CLCN7: variants seen among roughly 807,000 people sequenced by gnomAD.
CLCN7 encodes the protein Cl-/H+ antiporter 7, also known as H(+)/Cl(-) exchange transporter 7.
CLCN7 carries 60 observed loss-of-function variants against 102.1 expected under a neutral mutation model. That is an observed-to-expected ratio of 0.59 (90% CI 0.48 to 0.73). The LOEUF is 0.73. Ranked by LOEUF, CLCN7 falls within the 30% of genes least tolerant of loss-of-function variation. The probability of loss-of-function intolerance (pLI) is 0.00; values close to 1 mark genes in which losing one functional copy is unlikely to be tolerated. For synonymous variants in CLCN7, 560 were observed against 490.5 expected (o/e 1.14, Z -1.87); for missense variants, 962 against 1,125.7 (o/e 0.85, Z 2.08).
intron 13 of CLCN7, among the ~76,000 whole-genome samples, chr16:1,454,104 G>A (rs1349578556): frequency 6.6e-6 from 1 of 152,258 alleles, no homozygotes; most frequent in African/African-American, 2.4e-5. Flanking sequence ...TCCTTCCAGG[G>A]CAAAGGTGTC....
At chr16:1,456,836 C>T (rs2038842572) in intron 9 of CLCN7, among the ~76,000 whole-genome samples, 1 of 144,334 alleles carries the variant, frequency 6.9e-6, no homozygotes, top group Non-Finnish European at 1.5e-5. Flanking sequence ...GAGACTCCAT[C>T]TCAAAAAAAA....
rs1416933132 is a variant in CLCN7 at position 1,474,915 on chromosome 16, C to T, written c.60G>A (p.Ala20=). 1.4e-6 allele frequency: 2 copies of T among 1,471,078 alleles called. No individual in the cohort carries two copies. The highest frequency in any genetic ancestry group is 3.0e-5 in the East Asian group (1 of 33,428). The allele number at this position is 1,471,078 out of a possible 1,614,324, so 91.1% of individuals were successfully genotyped here. A position where few individuals can be genotyped will look rare whatever the true frequency, so the allele number is the denominator to read the frequency against. ...GCGCCGTCCTCCGCAGCAGCGGCGC[C>T]GCCTCCTCGTCGTCCCGGTCCCGGC... ...WSGRDRDDEE[A]APLLRRTARP... Residue 20 remains alanine, a synonymous_variant, in exon 1 of 25, where the codon GCG becomes GCA. Coordinates refer to ENST00000382745, the MANE Select transcript of CLCN7 (RefSeq NM_001287.6).
At chr16:1,472,497 C>G (rs980442271) in intron 1 of CLCN7, 4 of 152,146 alleles carry the variant, frequency 2.6e-5, no homozygotes, top group Non-Finnish European at 4.4e-5. Flanking sequence ...TCCCAAAGTG[C>G]TGGGATTACA....
intron 6 of CLCN7, among the ~76,000 whole-genome samples, chr16:1,459,869 G>A (rs2038904526): frequency 8.0e-6 from 1 of 124,510 alleles, no homozygotes; most frequent in Non-Finnish European, 1.7e-5. Context: ...CCCAGGGAAG[G>A]GGAGCTCAGC....
At position 1,461,087 on chromosome 16, in the gene CLCN7, ACAGTTT is replaced by A. The variant is rs1309512792; in HGVS notation, c.352-145_352-140del. The stretch of plus-strand genomic sequence containing the variant: ...CACGGTGCGCTGAGTCCCACAAAGG[ACAGTTT>A]CTGGCCAACATCTGAGGCGCACCCG... On this transcript the variant is annotated intron_variant, in intron 4 of 24. Coordinates refer to ENST00000382745, the MANE Select transcript of CLCN7 (RefSeq NM_001287.6). The A allele has an allele frequency of 1.5e-5, 18 of 1,204,916 alleles. No homozygotes were observed. In the Admixed American group the frequency reaches 4.2e-4, roughly 28 times the overall value. 74.6% of individuals were successfully genotyped at this position (1,204,916 alleles called of 1,614,324 possible). A position where few individuals can be genotyped will look rare whatever the true frequency, so the allele number is the denominator to read the frequency against.
chr16:1,464,858 G>A (rs1596227028), intron 2 of CLCN7, among the ~76,000 whole-genome samples: 3 of 152,160 alleles, frequency 2.0e-5, no homozygotes, highest in African/African-American at 7.2e-5. Flanking sequence ...GCACGCTGCC[G>A]CTGAGCTCAG....
At position 1,459,115 on chromosome 16, in the gene CLCN7, G is replaced by A. The variant is rs777300281; in HGVS notation, c.667C>T (p.Arg223Trp). 23 of 1,610,466 alleles carry A rather than the reference G, an allele frequency of 1.4e-5. No individual in the cohort carries two copies. The highest frequency in any genetic ancestry group is 4.0e-5 in the African/African-American group (3 of 74,886). The change falls in exon 7 of 25, where the codon CGG becomes TGG. Residue 223 changes from arginine to tryptophan, a missense_variant. Arg to Trp is a moderately radical substitution (Grantham distance 101). Around this residue, in one of 2 missense-constraint regions of CLCN7, gnomAD observed 799 missense variants for 988.0 expected, o/e 0.81. Coordinates refer to ENST00000382745, the MANE Select transcript of CLCN7 (RefSeq NM_001287.6). ...GGCCACCGCACCCTCACCTTGAGCC[G>A]CACCACGTGGGGGATCTTCACCCCG... ...LNGVKIPHVV[R>W]LKTLVIKVSG...
chr16:1,450,123 C>T, intron 17 of CLCN7: 1 of 322,698 alleles, frequency 3.1e-6, no homozygotes, highest in Non-Finnish European at 6.0e-6. Context: ...GCAGTGTATG[C>T]CGCTCTGGCC....
chr16:1,446,812 G>A lies in CLCN7; in HGVS notation c.2332-95C>T, dbSNP rs1294595929. 3.2e-5 allele frequency: 38 copies of A among 1,206,192 alleles called. No homozygotes were observed. In the East Asian group the frequency reaches 9.4e-4, roughly 30 times the overall value. The allele number at this position is 1,206,192 out of a possible 1,614,324, so 74.7% of individuals were successfully genotyped here. A position where few individuals can be genotyped will look rare whatever the true frequency, so the allele number is the denominator to read the frequency against. Reference sequence around the variant, plus strand: ...GTGTGTGGCTGGGGCAGCACAGGCAGGGGGCCCTGGGGGCTTCAGCACAGC... The same window carrying A: ...GTGTGTGGCTGGGGCAGCACAGGCAAGGGGCCCTGGGGGCTTCAGCACAGC... On this transcript the variant is annotated intron_variant, in intron 24 of 24. Transcript: ENST00000382745.
intron 13 of CLCN7, 117 bp downstream of exon 13, chr16:1,454,294 G>T (rs2038799446): frequency 1.9e-6 from 2 of 1,027,264 alleles, no homozygotes; most frequent in African/African-American, 1.6e-5. Flanking sequence ...CCCCCGGGTG[G>T]CCCTGGGATG....
intron 1 of CLCN7, among the ~76,000 whole-genome samples, chr16:1,471,264 G>A (rs977783402): frequency 5.9e-5 from 9 of 152,102 alleles, no homozygotes; most frequent in African/African-American, 1.7e-4. Flanking sequence ...AGGTGGCAAC[G>A]ACACCACCAG....
At chr16:1,460,376 C>A (rs778229875) in intron 6 of CLCN7, 42 bp downstream of exon 6, 18 of 1,436,824 alleles carry the variant, frequency 1.3e-5, no homozygotes, top group Non-Finnish European at 1.8e-5. Context: ...GACCCCCAAT[C>A]CTTCATGGGG....
At position 1,460,934 on chromosome 16, in the gene CLCN7, C is replaced by T. The variant is rs771496698; in HGVS notation, c.366G>A (p.Val122=). The T allele has an allele frequency of 1.2e-6, 2 of 1,613,626 alleles. No homozygotes were observed. Among genetic ancestry groups the T allele is most frequent in the Non-Finnish European group, 1.7e-6 (2 of 1,179,936 alleles). The change falls in exon 5 of 25, where the codon GTG becomes GTA. Residue 122 remains valine (V), a synonymous_variant. Coordinates refer to ENST00000382745, the MANE Select transcript of CLCN7 (RefSeq NM_001287.6). ...CGCAGATGACCCAGCGCTTGATCTC[C>T]ACCGTCCGGAAGGCCTGCAGGGCGC... The part of the protein sequence containing the change: ...RRINHTAFRT[V]EIKRWVICAL...
chr16:1,453,201 C>T (rs1364294216), intron 14 of CLCN7, among the ~76,000 whole-genome samples: 9 of 151,950 alleles, frequency 5.9e-5, no homozygotes, highest in Admixed American at 3.3e-4. Flanking sequence ...TTAGTAGAGA[C>T]GGGGTTTCTC....
chr16:1,458,959 C>T (rs1056722897), intron 7 of CLCN7, 148 bp downstream of exon 7: 6 of 631,098 alleles, frequency 9.5e-6, no homozygotes, highest in Non-Finnish European at 1.7e-5. Flanking sequence ...GTGACCCCTT[C>T]ACACCCAGCC....
rs866236628 is a variant in CLCN7 at position 1,474,940 on chromosome 16, C to T, written c.35G>A (p.Gly12Asp). The T allele has an allele frequency of 6.7e-7, 1 of 1,486,750 alleles. No homozygotes were observed. The highest frequency in any genetic ancestry group is 2.1e-5 in the Admixed American group (1 of 46,526). The allele number at this position is 1,486,750 out of a possible 1,614,324, so 92.1% of individuals were successfully genotyped here. The stretch of plus-strand genomic sequence containing the variant: ...CGCCTCCTCGTCGTCCCGGTCCCGG[C>T]CGGACCAGGACACCTTCTTAGAGAC... ...ANVSKKVSWS[G>D]RDRDDEEAAP... The change falls in exon 1 of 25, where the codon GGC (glycine) becomes GAC (aspartate). Residue 12 changes from glycine (G) to aspartate (D), a missense_variant. Physicochemically the swap from Gly to Asp is moderately conservative, Grantham distance 94. Coordinates refer to ENST00000382745, the MANE Select transcript of CLCN7 (RefSeq NM_001287.6).
At chr16:1,452,732 C>G (rs2038771717) in intron 15 of CLCN7, 23 bp downstream of exon 15, 1 of 1,571,608 alleles carries the variant, frequency 6.4e-7, no homozygotes, top group Admixed American at 1.8e-5. Flanking sequence ...CCTGCTGGAC[C>G]CCGCCCGGGC....
chr16:1,468,184 C>T (rs955950286), intron 1 of CLCN7, among the ~76,000 whole-genome samples: 3 of 152,244 alleles, frequency 2.0e-5, no homozygotes, highest in Non-Finnish European at 4.4e-5. Flanking sequence ...GTCTACACCA[C>T]GACAGCACTG....
At position 1,452,885 on chromosome 16, in the gene CLCN7, T is replaced by A; in HGVS notation, c.1223A>T (p.His408Leu). 1 of 1,566,452 alleles carries A rather than the reference T, an allele frequency of 6.4e-7. No individual in the cohort carries two copies. The part of the protein sequence containing the change: ...WLTMFRIRYI[H>L]RPCLQVIEAV... ...CTCAATCACCTGCAGGCAGGGCCGG[T>A]GGATGTACCTGGAACCAAGAATCAG... Residue 408 changes from histidine to leucine, a missense_variant, in exon 15 of 25, where the codon CAC becomes CTC. Coordinates refer to ENST00000382745, the MANE Select transcript of CLCN7 (RefSeq NM_001287.6).
Sources: allele counts gnomAD v4.1 joint callset (sites outside exome capture counted in the v4.1 genomes callset), GRCh38; gene constraint gnomAD v4.1.1; regional missense constraint gnomAD v4.1.1; transcripts MANE v1.5; gene names NCBI Gene and HGNC (gene_info 2026-07-23, HGNC 2026-07-21).